Variants in CDH13 observed in about 807,000 individuals in gnomAD.
CDH13 encodes the protein cadherin 13, also known as cadherin-13.
In CDH13, 24 loss-of-function variants were observed where a neutral mutation model predicts 63.8. The observed-to-expected ratio is 0.38, with a 90% CI of 0.27 to 0.53. The LOEUF (loss-of-function observed/expected upper bound fraction) is 0.53, where lower values mean the gene tolerates loss of function less well. CDH13 is among the 20% of genes least tolerant of loss of function. The pLI is 0.85. For synonymous variants in CDH13, 503 were observed against 355.3 expected, an observed-to-expected ratio of 1.42 and a Z score of -4.67; for missense variants, 1,049 against 903.1, an observed-to-expected ratio of 1.16 and a Z score of -2.07.
intron 1 of CDH13, among the ~76,000 whole-genome samples, chr16:82,775,544 G>C (rs922267809): frequency 1.5e-4 from 23 of 152,252 alleles, no homozygotes; most frequent in African/African-American, 5.1e-4. Flanking sequence ...GCTCATTTAT[G>C]TCTATGTCAA....
chr16:83,418,773 G>C (rs1245417412), intron 6 of CDH13, among the ~76,000 whole-genome samples: 2 of 152,112 alleles, frequency 1.3e-5, no homozygotes, highest in African/African-American at 4.8e-5. Flanking sequence ...ACCACCAGGG[G>C]ACAGCAGGAA....
chr16:83,064,693 G>T (rs1306915778), intron 3 of CDH13, among the ~76,000 whole-genome samples: 1 of 152,100 alleles, frequency 6.6e-6, no homozygotes, highest in East Asian at 1.9e-4. Context: ...TGGAGAAAAT[G>T]TATTTAATTA....
In CDH13 at chr16:83,330,967, T is replaced by A. The variant is rs1222188805; in HGVS notation, c.637-13895T>A. Among the ~76,000 whole-genome samples, 3 of 152,234 alleles carry A rather than the reference T, an allele frequency of 2.0e-5. No homozygotes were observed. In the East Asian group the frequency reaches 5.8e-4, roughly 29 times the overall value. On this transcript the variant is annotated intron_variant, in intron 5 of 13. Transcript: ENST00000567109. Reference sequence around the variant, plus strand: ...GGCAAAATTTAAGGATACTGGTGGATAATATTTACTTAATGATTGCTATGT... The same window carrying A: ...GGCAAAATTTAAGGATACTGGTGGAAAATATTTACTTAATGATTGCTATGT...
intron 2 of CDH13, among the ~76,000 whole-genome samples, chr16:82,876,024 G>A (rs1032034033): frequency 6.6e-6 from 1 of 152,168 alleles, no homozygotes; most frequent in African/African-American, 2.4e-5. Context: ...TTGTGCAGGG[G>A]AACTCCTCTT....
chr16:82,798,253 A>G (rs2036683877), intron 1 of CDH13, among the ~76,000 whole-genome samples: 1 of 152,218 alleles, frequency 6.6e-6, no homozygotes, highest in Non-Finnish European at 1.5e-5. Context: ...CTAGAAAACA[A>G]GTACATCAAA....
At chr16:83,030,954 T>A (rs563788482) in intron 2 of CDH13, among the ~76,000 whole-genome samples, 1 of 151,858 alleles carries the variant, frequency 6.6e-6, no homozygotes, top group Admixed American at 6.6e-5. Context: ...GGACTGAGCA[T>A]GAAAGAAATA....
intron 2 of CDH13, among the ~76,000 whole-genome samples, chr16:82,932,178 G>C (rs2042517659): frequency 6.6e-6 from 1 of 152,062 alleles, no homozygotes; most frequent in South Asian, 2.1e-4. Flanking sequence ...TATAGATGTA[G>C]GCAAATCATT....
intron 2 of CDH13, among the ~76,000 whole-genome samples, chr16:82,888,834 A>G (rs538216738): frequency 1.4e-4 from 21 of 152,288 alleles, no homozygotes; most frequent in East Asian, 3.9e-4. Context: ...TCTAGATGCA[A>G]TTGTTTTCTA....
intron 3 of CDH13, among the ~76,000 whole-genome samples, chr16:83,124,260 G>A (rs976419224): frequency 2.0e-5 from 3 of 152,092 alleles, no homozygotes; most frequent in African/African-American, 7.2e-5. Flanking sequence ...TGGCCAGGCT[G>A]GTCTCGAACT....
chr16:82,635,985 C>A (rs1407930785), intron 1 of CDH13, among the ~76,000 whole-genome samples: 1 of 152,148 alleles, frequency 6.6e-6, no homozygotes, highest in Non-Finnish European at 1.5e-5. Flanking sequence ...GAGGCCTTTG[C>A]AGCCATACTT....
chr16:83,544,034 T>A (rs1031360547), intron 7 of CDH13, among the ~76,000 whole-genome samples: 3 of 152,186 alleles, frequency 2.0e-5, no homozygotes, highest in Non-Finnish European at 2.9e-5. Flanking sequence ...TTTCAATCAC[T>A]ACTGCAGTAT....
At chr16:82,692,453 T>A (rs1422447440) in intron 1 of CDH13, among the ~76,000 whole-genome samples, 1 of 152,108 alleles carries the variant, frequency 6.6e-6, no homozygotes, top group African/African-American at 2.4e-5. Context: ...CAAGAGAGCA[T>A]GTGTAGGGAA....
At chr16:83,748,700 CAGTT>C (rs1284216420) in intron 11 of CDH13, among the ~76,000 whole-genome samples, 1 of 152,224 alleles carries the variant, frequency 6.6e-6, no homozygotes, top group African/African-American at 2.4e-5. Flanking sequence ...CAGGTACCCT[CAGTT>C]AGTGGCTGCA....
intron 1 of CDH13, among the ~76,000 whole-genome samples, chr16:82,691,735 G>A (rs1245871977): frequency 6.6e-6 from 1 of 152,148 alleles, no homozygotes; most frequent in African/African-American, 2.4e-5. Flanking sequence ...ATGGAGAGTT[G>A]AAGGGAGAAA....
chr16:83,553,851 C>G (rs994706446), intron 7 of CDH13, among the ~76,000 whole-genome samples: 3 of 152,230 alleles, frequency 2.0e-5, no homozygotes, highest in African/African-American at 7.2e-5. Flanking sequence ...GCCACCACAC[C>G]CAGCCCAAAG....
intron 8 of CDH13, among the ~76,000 whole-genome samples, chr16:83,652,873 C>T (rs1912517807): frequency 6.6e-6 from 1 of 152,138 alleles, no homozygotes; most frequent in African/African-American, 2.4e-5. Flanking sequence ...AGCATTATTC[C>T]CCATAGCCAC....
intron 5 of CDH13, among the ~76,000 whole-genome samples, chr16:83,231,871 C>G (rs897194771): frequency 6.6e-6 from 1 of 152,156 alleles, no homozygotes; most frequent in African/African-American, 2.4e-5. Context: ...GGGTGGACCC[C>G]TCCTGAATGG....
intron 1 of CDH13, among the ~76,000 whole-genome samples, chr16:82,782,603 A>G (rs2199433): frequency 0.18 from 27,787 of 152,060 alleles, 3,068 homozygotes; most frequent in African/African-American, 0.31. Flanking sequence ...CAAGTGCATA[A>G]TAGGTAGATA....
At chr16:83,049,962 C>T (rs945882004) in intron 3 of CDH13, among the ~76,000 whole-genome samples, 2 of 152,104 alleles carry the variant, frequency 1.3e-5, no homozygotes, top group African/African-American at 2.4e-5. Flanking sequence ...TAAGATGATG[C>T]TACAAAAATA....
Sources: gnomAD v4.1 joint callset for allele counts (sites outside exome capture counted in the v4.1 genomes callset) on GRCh38, gnomAD v4.1.1 for gene constraint, MANE v1.5 for transcripts, NCBI Gene and HGNC (gene_info 2026-07-23, HGNC 2026-07-21) for gene names.